GNAO1: variants seen among roughly 807,000 people sequenced by gnomAD.
GNAO1 encodes the protein guanine nucleotide-binding protein G(o) subunit alpha.
For missense variants in GNAO1, 166 were observed against 478.7 expected (o/e 0.35, Z 6.10); for synonymous variants, 164 against 180.7 (o/e 0.91, Z 0.74).
intron 2 of GNAO1, among the ~76,000 whole-genome samples, chr16:56,240,902 A>T (rs1453868759): frequency 6.6e-6 from 1 of 152,126 alleles, no homozygotes; most frequent in Admixed American, 6.5e-5. Context: ...GCCCACCCCG[A>T]TGGAGAAGGA....
At position 56,356,209 on chromosome 16, in the gene GNAO1, G is replaced by C. The variant is rs2037966282; in HGVS notation, c.*135G>C. 6.6e-6 allele frequency: 1 copy of C among 152,644 alleles called. No homozygotes were observed. The highest frequency in any genetic ancestry group is 1.9e-4 in the East Asian group (1 of 5,176). The allele number at this position is 152,644 out of a possible 1,614,324, so 9.5% of individuals were successfully genotyped here. A position where few individuals can be genotyped will look rare whatever the true frequency, so the allele number is the denominator to read the frequency against. ...TGTATCAAGCCCCTGTCTAACCTAC[G>C]ACCCCAGAGTGACTGACGGCTGTGT... On this transcript the variant is annotated 3_prime_UTR_variant, in exon 9 of 9. Coordinates refer to ENST00000262493, the MANE Select transcript of GNAO1 (RefSeq NM_020988.3).
At chr16:56,228,056 G>A (rs1438551679) in intron 2 of GNAO1, among the ~76,000 whole-genome samples, 2 of 152,140 alleles carry the variant, frequency 1.3e-5, no homozygotes, top group African/African-American at 2.4e-5. Flanking sequence ...AAGAGGCATA[G>A]CAGGATTGAC....
At position 56,334,854 on chromosome 16, in the gene GNAO1, T is replaced by G. The variant is rs2037725290; in HGVS notation, c.590T>G (p.Phe197Cys). ...CACTTCACATTCAAGAACCTCCACTTCAGGTGAGGCCCAGAGAGGCCCCCA... is the reference window on the plus strand; with the variant it reads ...CACTTCACATTCAAGAACCTCCACTGCAGGTGAGGCCCAGAGAGGCCCCCA... ...ETHFTFKNLHFRLFDVGGQRS... is the reference protein window; with the variant it reads ...ETHFTFKNLHCRLFDVGGQRS... The change falls in exon 5 of 9, where the codon TTC becomes TGC. Residue 197 changes from phenylalanine to cysteine, a missense_variant. Transcript: ENST00000262493. 1 of 1,613,750 alleles carries G rather than the reference T, an allele frequency of 6.2e-7. No individual in the cohort carries two copies. The highest frequency in any genetic ancestry group is 8.5e-7 in the Non-Finnish European group (1 of 1,179,966).
intron 2 of GNAO1, among the ~76,000 whole-genome samples, chr16:56,256,086 G>A (rs751734288): frequency 2.6e-5 from 4 of 152,174 alleles, no homozygotes; most frequent in Non-Finnish European, 5.9e-5. Flanking sequence ...GGACTTTGAA[G>A]CATGTTGTGA....
At position 56,192,373 on chromosome 16, in the gene GNAO1, C is replaced by T; in HGVS notation, c.118+20C>T. 7.3e-7 allele frequency: 1 copy of T among 1,377,114 alleles called. No homozygotes were observed. The highest frequency in any genetic ancestry group is 1.0e-6 in the Non-Finnish European group (1 of 973,356). The allele number at this position is 1,377,114 out of a possible 1,614,324, so 85.3% of individuals were successfully genotyped here. A position where few individuals can be genotyped will look rare whatever the true frequency, so the allele number is the denominator to read the frequency against. ...TGCTCGGTAAGGACCGCCGCTGCTACCCCCATCCCCCGACCCCGGCCACTC... is the reference window on the plus strand; with the variant it reads ...TGCTCGGTAAGGACCGCCGCTGCTATCCCCATCCCCCGACCCCGGCCACTC... On this transcript the variant is annotated intron_variant, in intron 1 of 8. Coordinates refer to ENST00000262493, the MANE Select transcript of GNAO1 (RefSeq NM_020988.3).
intron 6 of GNAO1, among the ~76,000 whole-genome samples, chr16:56,349,278 A>C (rs1261639572): frequency 2.6e-5 from 4 of 152,134 alleles, no homozygotes; most frequent in African/African-American, 9.7e-5. Flanking sequence ...GCAGTGGAGG[A>C]GGGAGCTTGG....
chr16:56,345,486 C>G, intron 6 of GNAO1: 1 of 985,520 alleles, frequency 1.0e-6, no homozygotes, highest in South Asian at 4.7e-5. Context: ...TTGTTGGACC[C>G]ACAGGCACAG....
chr16:56,298,678 C>T lies in GNAO1; in HGVS notation c.303+22606C>T, dbSNP rs549930096. Among the ~76,000 whole-genome samples the T allele has an allele frequency of 1.2e-4, 18 of 151,886 alleles. No individual in the cohort carries two copies. The South Asian group carries it at 3.3e-3, about 28-fold the overall frequency. On this transcript the variant is annotated intron_variant, in intron 3 of 8. Coordinates refer to ENST00000262493, the MANE Select transcript of GNAO1 (RefSeq NM_020988.3). ...CTGTAATCCCAGCACTTTAGGAGGC[C>T]GAAGCGGGCAGATCACGAGATCAGG...
rs117612739 is a variant in GNAO1, at chr16:56,236,391, C to T, written c.162-39540C>T. ...AGAAAGAGATCATTCAGTTTGAATC[C>T]ATAGAATTGACCCTGGGAGGTAGAT... On this transcript the variant is annotated intron_variant, in intron 2 of 8. Coordinates refer to ENST00000262493, the MANE Select transcript of GNAO1 (RefSeq NM_020988.3). Among the ~76,000 whole-genome samples the T allele has an allele frequency of 3.9e-5, 6 of 152,234 alleles. No individual in the cohort carries two copies. The East Asian group carries it at 1.2e-3, about 29-fold the overall frequency.
chr16:56,199,470 A>G (rs1044890212), intron 2 of GNAO1, among the ~76,000 whole-genome samples: 32 of 152,336 alleles, frequency 2.1e-4, no homozygotes, highest in South Asian at 6.2e-4. Context: ...CCTAGCGTTC[A>G]CCAGAAATGG....
At chr16:56,295,837 G>C (rs1310571463) in intron 3 of GNAO1, among the ~76,000 whole-genome samples, 1 of 152,240 alleles carries the variant, frequency 6.6e-6, no homozygotes, top group Non-Finnish European at 1.5e-5. Context: ...TCAGAAACCT[G>C]GGGCTCCTGG....
chr16:56,235,489 T>C, intron 2 of GNAO1: 1 of 450,214 alleles, frequency 2.2e-6, no homozygotes, highest in South Asian at 1.6e-5. Flanking sequence ...CTTTGGCTCC[T>C]GGCACCTGCC....
chr16:56,193,813 T>G, intron 2 of GNAO1: 1 of 339,314 alleles, frequency 2.9e-6, no homozygotes, highest in Non-Finnish European at 5.8e-6. Context: ...AGGAGTTCGT[T>G]TAGACCGTTT....
intron 2 of GNAO1, chr16:56,270,991 A>G (rs190966736): frequency 5.3e-5 from 8 of 152,228 alleles, no homozygotes; most frequent in Non-Finnish European, 1.5e-5. Flanking sequence ...CTGATTTCCA[A>G]ATCCTGGCCT....
chr16:56,194,011 G>A, intron 2 of GNAO1: 1 of 418,096 alleles, frequency 2.4e-6, no homozygotes, highest in Non-Finnish European at 4.9e-6. Context: ...GGGAGACGAA[G>A]CATGCTTGCG....
At chr16:56,339,267 G>A (rs1488754687) in intron 6 of GNAO1, among the ~76,000 whole-genome samples, 1 of 152,236 alleles carries the variant, frequency 6.6e-6, no homozygotes, top group East Asian at 1.9e-4. Context: ...GTGATCATGG[G>A]CAACCGCCCC....
intron 3 of GNAO1, among the ~76,000 whole-genome samples, chr16:56,328,043 C>T (rs1031455475): frequency 3.3e-5 from 5 of 152,180 alleles, no homozygotes; most frequent in Admixed American, 3.3e-4. Flanking sequence ...TGGCAACCAG[C>T]CCCTCCCCTC....
intron 2 of GNAO1, among the ~76,000 whole-genome samples, chr16:56,224,846 C>T (rs1011793041): frequency 1.1e-4 from 16 of 152,358 alleles, no homozygotes; most frequent in South Asian, 4.1e-4. Context: ...GGACTAATTT[C>T]ATCTGTAGCC....
intron 4 of GNAO1, among the ~76,000 whole-genome samples, chr16:56,333,351 A>T (rs540372595): frequency 6.6e-6 from 1 of 151,804 alleles, no homozygotes; most frequent in African/African-American, 2.4e-5. Flanking sequence ...TGCTGGGATT[A>T]TAGGCACCTG....
Sources: allele counts gnomAD v4.1 joint callset (sites outside exome capture counted in the v4.1 genomes callset), GRCh38; gene constraint gnomAD v4.1.1; transcripts MANE v1.5; gene names NCBI Gene and HGNC (gene_info 2026-07-23, HGNC 2026-07-21).